The following MAP2K4 variants were observed in gnomAD, a reference collection of about 807,000 sequenced individuals.
MAP2K4 encodes the protein mitogen-activated protein kinase kinase 4.
Under a neutral mutation model 48.5 loss-of-function variants are expected in MAP2K4, and 4 were observed. That is an observed-to-expected ratio of 0.08 (90% CI 0.04 to 0.19). The LOEUF is 0.19. Ranked by LOEUF, MAP2K4 falls within the 10% of genes least tolerant of loss-of-function variation. The pLI, the probability that MAP2K4 is intolerant of heterozygous loss-of-function variation, is 1.00. For missense variants in MAP2K4, 258 were observed against 493.3 expected (o/e 0.52, Z 4.52); for synonymous variants, 166 against 173.1 (o/e 0.96, Z 0.32).
rs987432589 is a variant in MAP2K4, at chr17:12,029,667, G to T, written c.115+8666G>T. ...AAAATTGAACATATTGGCCAGGTGA[G>T]ATGGCTCATGCCTATAATCCCATAA... is the stretch of plus-strand genomic sequence containing the variant. On this transcript the variant is annotated intron_variant, in intron 1 of 10. Transcript: ENST00000353533. Among the ~76,000 whole-genome samples the T allele has an allele frequency of 1.2e-3, 186 of 152,268 alleles. 1 individual carries two copies. The highest frequency in any genetic ancestry group is 4.4e-3 in the African/African-American group (182 of 41,564).
In MAP2K4 at chr17:12,135,460, A is replaced by T. The variant is rs374251239; in HGVS notation, c.1041-4379A>T. Among the ~76,000 whole-genome samples, 27 of 152,210 alleles carry T rather than the reference A, an allele frequency of 1.8e-4. No homozygotes were observed. In the South Asian group the frequency reaches 5.2e-3, roughly 29 times the overall value. ...TTACCCTGGTTGGTCTTAAACTCCT[A>T]GGCTTAAGCGATCCTCCTGCCTCGG... On this transcript the variant is annotated intron_variant, in intron 9 of 10. Transcript: ENST00000353533.
chr17:12,125,037 C>T, intron 7 of MAP2K4: 1 of 426,970 alleles, frequency 2.3e-6, no homozygotes, highest in Non-Finnish European at 4.3e-6. Context: ...TCAGCTTCAG[C>T]TTTGTAAATG....
Position 12,020,923 on chromosome 17 carries a change from G to A in MAP2K4, c.37G>A (p.Gly13Arg), listed in dbSNP as rs1969008464. 8 of 1,192,978 alleles carry A rather than the reference G, an allele frequency of 6.7e-6. No individual in the cohort carries two copies. Among genetic ancestry groups the A allele is most frequent in the Non-Finnish European group, 8.3e-6 (8 of 964,316 alleles). 73.9% of individuals were successfully genotyped at this position (1,192,978 alleles called of 1,614,324 possible). The change falls in exon 1 of 11, where the codon GGG (glycine) becomes AGG (arginine). Residue 13 changes from glycine to arginine, a missense_variant. This residue lies in a region of MAP2K4 where 69 missense variants were observed against 56.2 expected (regional missense o/e 1.23). Transcript: ENST00000353533. ...APSPSGGGGS[G>R]GGSGSGTPGP... is the part of the protein sequence containing the mutation. ...GAGCCCGAGCGGCGGCGGCGGCTCC[G>A]GGGGCGGCAGCGGCAGCGGCACCCC... is the stretch of plus-strand genomic sequence containing the variant.
chr17:12,132,251 A>G (rs1485532156), intron 9 of MAP2K4, among the ~76,000 whole-genome samples: 1 of 152,236 alleles, frequency 6.6e-6, no homozygotes. Context: ...TATACCCAAC[A>G]AAAGTGTGGA....
At chr17:12,111,964 A>T (rs921011212) in intron 6 of MAP2K4, among the ~76,000 whole-genome samples, 6 of 152,168 alleles carry the variant, frequency 3.9e-5, no homozygotes, top group Non-Finnish European at 7.3e-5. Flanking sequence ...CGTGCTGTGC[A>T]GCTCTGTAGG....
chr17:12,132,002 A>G (rs1973042343), intron 9 of MAP2K4, among the ~76,000 whole-genome samples: 1 of 152,218 alleles, frequency 6.6e-6, no homozygotes, highest in Non-Finnish European at 1.5e-5. Flanking sequence ...ATTATTAGTA[A>G]TCAGGAGACA....
intron 1 of MAP2K4, among the ~76,000 whole-genome samples, chr17:12,024,028 C>T (rs1348687852): frequency 6.6e-6 from 1 of 152,130 alleles, no homozygotes; most frequent in African/African-American, 2.4e-5. Context: ...ATTTACCACA[C>T]AATTTCTTTA....
intron 4 of MAP2K4, among the ~76,000 whole-genome samples, chr17:12,104,545 C>A (rs1039894442): frequency 6.6e-6 from 1 of 151,890 alleles, no homozygotes; most frequent in Non-Finnish European, 1.5e-5. Flanking sequence ...GAATTTTTTA[C>A]ATGTATTTAG....
intron 1 of MAP2K4, among the ~76,000 whole-genome samples, chr17:12,044,347 G>T (rs189618961): frequency 5.8e-4 from 88 of 152,268 alleles, no homozygotes; most frequent in Middle Eastern, 3.4e-3. Context: ...CTTAGGCTAG[G>T]AAGTTCTCTG....
chr17:12,070,873 T>C (rs987523058), intron 2 of MAP2K4, among the ~76,000 whole-genome samples: 1 of 152,204 alleles, frequency 6.6e-6, no homozygotes, highest in African/African-American at 2.4e-5. Context: ...TTCTGTGAGA[T>C]TACCACAAAC....
intron 2 of MAP2K4, among the ~76,000 whole-genome samples, chr17:12,073,124 T>C (rs996105198): frequency 6.6e-6 from 1 of 152,244 alleles, no homozygotes; most frequent in Non-Finnish European, 1.5e-5. Context: ...TAGGATCTGA[T>C]AATGGATACT....
intron 1 of MAP2K4, among the ~76,000 whole-genome samples, chr17:12,026,288 A>G (rs1470219951): frequency 2.6e-5 from 4 of 152,006 alleles, no homozygotes; most frequent in African/African-American, 9.7e-5. Context: ...TTCTTTCACT[A>G]ATTTGAGAAG....
intron 7 of MAP2K4, among the ~76,000 whole-genome samples, chr17:12,114,458 T>G (rs1452451447): frequency 6.6e-6 from 1 of 151,888 alleles, no homozygotes; most frequent in African/African-American, 2.4e-5. Flanking sequence ...AAACTTTTGG[T>G]TTTGTGGATG....
chr17:12,080,645 A>G (rs755274496), intron 2 of MAP2K4, among the ~76,000 whole-genome samples: 6 of 152,088 alleles, frequency 3.9e-5, no homozygotes, highest in East Asian at 1.9e-4. Flanking sequence ...GCACATGGCA[A>G]TTTTCCTCTT....
chr17:12,038,647 A>G (rs1969680285), intron 1 of MAP2K4, among the ~76,000 whole-genome samples: 1 of 152,182 alleles, frequency 6.6e-6, no homozygotes, highest in Admixed American at 6.5e-5. Context: ...GCTATGTGGT[A>G]GAAATAATAA....
chr17:12,063,701 A>G (rs908235293), intron 2 of MAP2K4, among the ~76,000 whole-genome samples: 1 of 152,112 alleles, frequency 6.6e-6, no homozygotes, highest in Non-Finnish European at 1.5e-5. Flanking sequence ...GGCCAGGCGC[A>G]GTGGCTCATG....
chr17:12,038,588 C>T (rs1406552725), intron 1 of MAP2K4, among the ~76,000 whole-genome samples: 1 of 152,024 alleles, frequency 6.6e-6, no homozygotes, highest in Non-Finnish European at 1.5e-5. Flanking sequence ...AAATCTAGAG[C>T]CTACTCTGAA....
intron 9 of MAP2K4, 51 bp downstream of exon 9, chr17:12,129,338 A>T: frequency 6.2e-7 from 1 of 1,610,186 alleles, no homozygotes; most frequent in Non-Finnish European, 8.5e-7. Context: ...GAATAGTGAG[A>T]TTTACTTGGT....
chr17:12,076,279 CTGTGTGTGTGTGTGTGTGTGTGTGTGTG>C, intron 2 of MAP2K4, among the ~76,000 whole-genome samples: 2 of 135,174 alleles, frequency 1.5e-5, no homozygotes, highest in East Asian at 4.4e-4. Context: ...TGTCACAGTT[CTGTGTGTGTGTGTGTGTGTGTGTGTGTG>C]TGTGTGTGTG....
Sources: allele counts gnomAD v4.1 joint callset (sites outside exome capture counted in the v4.1 genomes callset), GRCh38; gene constraint gnomAD v4.1.1; regional missense constraint gnomAD v4.1.1; transcripts MANE v1.5; gene names NCBI Gene and HGNC (gene_info 2026-07-23, HGNC 2026-07-21).